Variants in DNAH3 observed in about 807,000 individuals in gnomAD.
DNAH3 encodes dynein axonemal heavy chain 3, also known as axonemal beta dynein heavy chain 3.
Under a neutral mutation model 432.5 loss-of-function variants are expected in DNAH3, and 332 were observed. That is an observed-to-expected ratio of 0.77 (90% CI 0.70 to 0.84). DNAH3 has a LOEUF of 0.84. Ranked by LOEUF, DNAH3 falls within the 40% of genes least tolerant of loss-of-function variation. The pLI is 0.00. For synonymous variants in DNAH3, 1,956 were observed against 1,900.2 expected, an observed-to-expected ratio of 1.03 and a Z score of -0.76; for missense variants, 4,861 against 5,114.0, an observed-to-expected ratio of 0.95 and a Z score of 1.51.
intron 31 of DNAH3, among the ~76,000 whole-genome samples, chr16:21,049,218 C>T (rs976398030): frequency 2.0e-5 from 3 of 152,188 alleles, no homozygotes; most frequent in African/African-American, 7.2e-5. Context: ...CCCACCTTGG[C>T]CTCCCAAAGT....
intron 18 of DNAH3, among the ~76,000 whole-genome samples, chr16:21,096,614 G>A (rs1157601706): frequency 3.3e-5 from 5 of 151,896 alleles, no homozygotes; most frequent in Admixed American, 1.3e-4. Flanking sequence ...TTGTTTCCAG[G>A]TGCCTCAAAC....
At chr16:21,123,528 G>A (rs2092387189) in intron 9 of DNAH3, among the ~76,000 whole-genome samples, 1 of 152,162 alleles carries the variant, frequency 6.6e-6, no homozygotes, top group Non-Finnish European at 1.5e-5. Context: ...GACATTTATA[G>A]ATTGGTCTTC....
rs76649226 is a variant in DNAH3 at position 21,041,013 on chromosome 16, C to T, written c.4638+1014G>A. 6.1e-3 allele frequency among the ~76,000 whole-genome samples: 924 copies of T among 152,150 alleles called. 6 individuals carry two copies. Among genetic ancestry groups the T allele is most frequent in the Non-Finnish European group, 8.9e-3 (608 of 68,018 alleles). Reference sequence around the variant, plus strand: ...ATGGCATTGTGAAAGCTGCTTGTGACGATCTAATATGGCTGTTGGCTGGGA... The same window carrying T: ...ATGGCATTGTGAAAGCTGCTTGTGATGATCTAATATGGCTGTTGGCTGGGA... On this transcript the variant is annotated intron_variant, in intron 32 of 61. Coordinates refer to ENST00000261383, the Ensembl canonical transcript of DNAH3.
intron 58 of DNAH3, among the ~76,000 whole-genome samples, chr16:20,942,531 T>C (rs4783514): frequency 0.11 from 16,913 of 152,192 alleles, 1,033 homozygotes; most frequent in African/African-American, 0.16. Context: ...ATACCAGTGA[T>C]ACTTAATGGC....
In DNAH3 at chr16:21,137,177, G is replaced by C. The variant is rs375651752; in HGVS notation, c.697-664C>G. Reference sequence around the variant, plus strand: ...ATTAGATTTTCCTGATCCAGAGCTAGAATTTACCCCCCGGAAGCTTTCACT... The same window carrying C: ...ATTAGATTTTCCTGATCCAGAGCTACAATTTACCCCCCGGAAGCTTTCACT... On this transcript the variant is annotated intron_variant, in intron 5 of 61. Transcript: ENST00000261383. Among the ~76,000 whole-genome samples, 57 of 149,830 alleles carry C rather than the reference G, an allele frequency of 3.8e-4. 1 individual carries two copies. In the East Asian group the frequency reaches 5.5e-3, roughly 15 times the overall value.
intron 41 of DNAH3, among the ~76,000 whole-genome samples, chr16:21,012,212 C>T (rs1481877534): frequency 3.3e-5 from 5 of 151,968 alleles, no homozygotes; most frequent in Non-Finnish European, 7.4e-5. Flanking sequence ...GACCAAAGCC[C>T]CAAAACAAGA....
Position 20,975,425 on chromosome 16 carries a change from A to G in DNAH3, c.8077-10T>C, listed in dbSNP as rs2085541922. 6.2e-7 allele frequency: 1 copy of G among 1,610,802 alleles called. No homozygotes were observed. The highest frequency in any genetic ancestry group is 8.5e-7 in the Non-Finnish European group (1 of 1,178,326). ...TTTGCATAACCGCTACCTAGCAAGG[A>G]GAGAGGTGGGAGAAATCCAGGGTCA... is the stretch of plus-strand genomic sequence containing the variant. On this transcript the variant is annotated splice_polypyrimidine_tract_variant and intron_variant, in intron 50 of 61. Coordinates refer to ENST00000261383, the Ensembl canonical transcript of DNAH3.
chr16:21,135,737 A>G (rs1204623178), intron 6 of DNAH3, among the ~76,000 whole-genome samples: 4 of 151,966 alleles, frequency 2.6e-5, no homozygotes, highest in Non-Finnish European at 4.4e-5. Flanking sequence ...AAAAGAAAAA[A>G]AAAAGAAGTG....
Position 20,998,603 on chromosome 16 carries a change from C to T in DNAH3, c.6422-1141G>A, listed in dbSNP as rs114754641. Among the ~76,000 whole-genome samples, 736 of 152,062 alleles carry T rather than the reference C, an allele frequency of 4.8e-3. 6 individuals carry two copies. Among genetic ancestry groups the T allele is most frequent in the African/African-American group, 0.017 (702 of 41,476 alleles). ...CCAAAATGACAAGAATATATTAAGA[C>T]TTCCCGAAGGGCAGGGACTCATTTT... On this transcript the variant is annotated intron_variant, in intron 43 of 61. Transcript: ENST00000261383.
intron 25 of DNAH3, 139 bp downstream of exon 25, chr16:21,062,343 A>T: frequency 4.5e-6 from 3 of 670,478 alleles, no homozygotes; most frequent in Middle Eastern, 4.2e-4. Context: ...AACTTCCCCA[A>T]ATCTTCAGTC....
chr16:21,115,406 TAGAA>T (rs1411005465), intron 12 of DNAH3, among the ~76,000 whole-genome samples: 1 of 119,700 alleles, frequency 8.4e-6, no homozygotes. Flanking sequence ...AAAAAAAAAG[TAGAA>T]AGAAAGACAA....
exon 46 of DNAH3, chr16:20,987,830 G>C: frequency 6.2e-7 from 1 of 1,614,094 alleles, no homozygotes; most frequent in Non-Finnish European, 8.5e-7. Flanking sequence ...TTAGTAGCTT[G>C]GACCAGCATC....
chr16:20,984,563 G>C (rs530811937), intron 48 of DNAH3, among the ~76,000 whole-genome samples: 31 of 152,088 alleles, frequency 2.0e-4, no homozygotes, highest in Admixed American at 6.5e-4. Context: ...AATTGAAGAC[G>C]GGGGACAGGT....
chr16:21,049,687 A>T lies in DNAH3; in HGVS notation c.4348-5T>A. ...GGAGCAGTTGAAGACCACACACTAG[A>T]AAGAGGGAGGATGTGGGTATCATTC... On this transcript the variant is annotated splice_polypyrimidine_tract_variant and splice_region_variant and intron_variant, in intron 30 of 61. Transcript: ENST00000261383. The T allele has an allele frequency of 6.2e-7, 1 of 1,612,170 alleles. No homozygotes were observed. Among genetic ancestry groups the T allele is most frequent in the South Asian group, 1.1e-5 (1 of 91,036 alleles).
At chr16:20,998,349 G>T (rs537088360) in intron 43 of DNAH3, among the ~76,000 whole-genome samples, 1 of 152,266 alleles carries the variant, frequency 6.6e-6, no homozygotes, top group East Asian at 1.9e-4. Context: ...TGTCTCCCAG[G>T]TTCAAGTGGT....
At chr16:21,097,227 A>G (rs2091708041) in intron 18 of DNAH3, 128 bp downstream of exon 18, 1 of 1,117,518 alleles carries the variant, frequency 8.9e-7, no homozygotes, top group African/African-American at 1.6e-5. Context: ...TGGCTGCCTT[A>G]ATCTGGAGTG....
intron 27 of DNAH3, among the ~76,000 whole-genome samples, 195 bp downstream of exon 27, chr16:21,057,891 C>T (rs1261532060): frequency 1.3e-5 from 2 of 152,150 alleles, no homozygotes; most frequent in African/African-American, 2.4e-5. Flanking sequence ...TGAGAGGTCT[C>T]GTACCATAGA....
rs771570928 is a variant in DNAH3 at position 20,979,612 on chromosome 16, A to G, written c.7860-66T>C. Reference sequence around the variant, plus strand: ...TTCCAGGGAGATCCAGTACAGCTTTAGTTATAGACATGAGGATATGAGAAG... The same window carrying G: ...TTCCAGGGAGATCCAGTACAGCTTTGGTTATAGACATGAGGATATGAGAAG... On this transcript the variant is annotated intron_variant, in intron 49 of 61. Coordinates refer to ENST00000261383, the Ensembl canonical transcript of DNAH3. The G allele has an allele frequency of 3.9e-5, 55 of 1,422,678 alleles. 1 individual carries two copies. In the Middle Eastern group the frequency reaches 1.2e-3, roughly 32 times the overall value. 88.1% of individuals were successfully genotyped at this position (1,422,678 alleles called of 1,614,324 possible). A position where few individuals can be genotyped will look rare whatever the true frequency, so the allele number is the denominator to read the frequency against.
At chr16:21,137,121 G>A (rs372030476) in intron 5 of DNAH3, among the ~76,000 whole-genome samples, 9 of 151,916 alleles carry the variant, frequency 5.9e-5, no homozygotes, top group East Asian at 3.9e-4. Context: ...GTGACCAATC[G>A]AGACTCTGTC....
Sources: gnomAD v4.1 joint callset for allele counts (sites outside exome capture counted in the v4.1 genomes callset) on GRCh38, gnomAD v4.1.1 for gene constraint, MANE v1.5 for transcripts, NCBI Gene and HGNC (gene_info 2026-07-23, HGNC 2026-07-21) for gene names.